Variants in CD6 observed in about 807,000 individuals in gnomAD.
CD6 encodes T-cell differentiation antigen CD6.
In CD6, 53 loss-of-function variants were observed where a neutral mutation model predicts 75.3. The ratio of observed to expected loss-of-function variants is 0.70; its 90% CI spans 0.56 to 0.88. The LOEUF is 0.88. Ranked by LOEUF, CD6 falls within the 40% of genes least tolerant of loss-of-function variation. The probability of loss-of-function intolerance (pLI) is 0.00; values close to 1 mark genes in which losing one functional copy is unlikely to be tolerated. For synonymous variants in CD6, 359 were observed against 381.5 expected (o/e 0.94, Z 0.69); for missense variants, 770 against 897.1 (o/e 0.86, Z 1.81).
In CD6 at chr11:61,013,576, T is replaced by C. The variant is rs1281204462; in HGVS notation, c.1291+13T>C. ...AAAGGAAAATATGGTAAGTGCAAGG[T>C]TCTGGGAGCCATGGCCATCCCAGGG... On this transcript the variant is annotated intron_variant, in intron 7 of 12. Coordinates refer to ENST00000313421, the MANE Select transcript of CD6 (RefSeq NM_006725.5). The C allele has an allele frequency of 4.3e-6, 7 of 1,613,552 alleles. No homozygotes were observed. The South Asian group carries it at 4.4e-5, about 10-fold the overall frequency.
rs567338278 is a variant in CD6 at position 60,995,945 on chromosome 11, G to C, written c.50-10629G>C. Among the ~76,000 whole-genome samples, 4 of 152,288 alleles carry C rather than the reference G, an allele frequency of 2.6e-5. No homozygotes were observed. In the South Asian group the frequency reaches 8.3e-4, roughly 32 times the overall value. ...GTTGACACTTGCAGAGGAGAAAGGA[G>C]TTTGGAAAGCCTCCAGGGTTGTCAA... is the stretch of plus-strand genomic sequence containing the variant. On this transcript the variant is annotated intron_variant, in intron 1 of 12. Coordinates refer to ENST00000313421, the MANE Select transcript of CD6 (RefSeq NM_006725.5).
chr11:61,010,767 A>G (rs1225163073), intron 5 of CD6, among the ~76,000 whole-genome samples: 1 of 152,262 alleles, frequency 6.6e-6, no homozygotes. Flanking sequence ...GATTAAGAAC[A>G]AACTGAAACT....
intron 1 of CD6, among the ~76,000 whole-genome samples, chr11:60,993,855 CA>C (rs769094445): frequency 5.9e-5 from 9 of 152,202 alleles, no homozygotes; most frequent in Non-Finnish European, 1.2e-4. Flanking sequence ...GAACTGAATG[CA>C]GGCTGGCAAC....
intron 1 of CD6, chr11:60,987,831 G>T: frequency 6.6e-6 from 1 of 152,128 alleles, no homozygotes; most frequent in Non-Finnish European, 1.5e-5. Context: ...TTTTTCCAGA[G>T]TACTTAGTTC....
chr11:61,008,738 G>C lies in CD6; in HGVS notation c.674G>C (p.Arg225Pro). The change falls in exon 4 of 13, where the codon CGG becomes CCG. Residue 225 changes from arginine (R) to proline (P), a missense_variant. Physicochemically the swap from Arg to Pro is moderately radical, Grantham distance 103. Transcript: ENST00000313421. ...HFTPGRGPIH[R>P]DQVNCSGAEA... is the part of the protein sequence containing the mutation. ...ACGCCCGGCCGCGGGCCTATCCACC[G>C]GGACCAGGTGAACTGCTCGGGGGCC... 1.2e-6 allele frequency: 2 copies of C among 1,607,630 alleles called. No homozygotes were observed. Among genetic ancestry groups the C allele is most frequent in the South Asian group, 1.1e-5 (1 of 90,586 alleles).
chr11:61,001,235 C>G (rs1858575138), intron 1 of CD6, among the ~76,000 whole-genome samples: 1 of 118,090 alleles, frequency 8.5e-6, no homozygotes, highest in African/African-American at 3.4e-5. Context: ...GAGTCTTGCT[C>G]TGTCGCCCAG....
At position 61,008,709 on chromosome 11, in the gene CD6, C is replaced by T; in HGVS notation, c.645C>T (p.His215=). Residue 215 remains histidine (H), a synonymous_variant, in exon 4 of 13, where the codon CAC becomes CAT. Coordinates refer to ENST00000313421, the MANE Select transcript of CD6 (RefSeq NM_006725.5). ...GWAVQALPGL[H]FTPGRGPIHR... ...CAGTCCAGGCCCTGCCCGGCTTGCA[C>T]TTCACGCCCGGCCGCGGGCCTATCC... 2 of 1,608,016 alleles carry T rather than the reference C, an allele frequency of 1.2e-6. No individual in the cohort carries two copies. The highest frequency in any genetic ancestry group is 2.2e-5 in the East Asian group (1 of 44,648).
At position 61,018,301 on chromosome 11, in the gene CD6, C is replaced by G. The variant is rs1291166095; in HGVS notation, c.1850C>G (p.Ala617Gly). The G allele has an allele frequency of 1.2e-6, 2 of 1,603,328 alleles. No individual in the cohort carries two copies. The highest frequency in any genetic ancestry group is 2.2e-5 in the South Asian group (2 of 89,018). Residue 617 changes from alanine to glycine, a missense_variant, in exon 12 of 13, where the codon GCT becomes GGT. Physicochemically the swap from Ala to Gly is moderately conservative, Grantham distance 60. Coordinates refer to ENST00000313421, the MANE Select transcript of CD6 (RefSeq NM_006725.5). ...TGGGGGTTTCCAGCAGGGCCCCCGG[C>G]TGATGACAGCTCCAGCACCTCATCC... ...TQPAFSAGPP[A>G]DDSSSTSSGE...
rs1464438171 is a variant in CD6, at chr11:61,009,783, TG to T, written c.997del (p.Glu333ArgfsTer51). ...CCGGCAGGATGTACTACTCATGCAATGGGGAGGAGCTCACCCTCTCCAACTG... is the reference window on the plus strand; with the variant it reads ...CCGGCAGGATGTACTACTCATGCAATGGGAGGAGCTCACCCTCTCCAACTG... Reference protein sequence around the residue: ...LSGRMYYSCNGEELTLSNCSW... With the variant: ...LSGRMYYSCNXEELTLSNCSW... On this transcript the variant is annotated frameshift_variant, in exon 5 of 13. Coordinates refer to ENST00000313421, the MANE Select transcript of CD6 (RefSeq NM_006725.5). LOFTEE classifies it high-confidence loss of function. The T allele has an allele frequency of 6.2e-7, 1 of 1,612,806 alleles. No homozygotes were observed. The highest frequency in any genetic ancestry group is 1.3e-5 in the African/African-American group (1 of 74,922).
At position 61,007,196 on chromosome 11, in the gene CD6, C is replaced by T. The variant is rs1195725270; in HGVS notation, c.119-364C>T. The stretch of plus-strand genomic sequence containing the variant: ...CAGAGGGGCCTTCAGGGGAAGCATG[C>T]GCCCACTGGACCAGGGCCCCTGAAC... On this transcript the variant is annotated intron_variant, in intron 2 of 12. Transcript: ENST00000313421. This position sits in a 1 kb window ranked among gnomAD's most constrained non-coding sequence, Gnocchi z 4.2. Among the ~76,000 whole-genome samples, 3 of 152,100 alleles carry T rather than the reference C, an allele frequency of 2.0e-5. No individual in the cohort carries two copies. Among genetic ancestry groups the T allele is most frequent in the South Asian group, 2.1e-4 (1 of 4,820 alleles).
At chr11:61,001,217 T>C (rs1858573110) in intron 1 of CD6, among the ~76,000 whole-genome samples, 1 of 149,770 alleles carries the variant, frequency 6.7e-6, no homozygotes, top group South Asian at 2.1e-4. Flanking sequence ...TTTTTTTTTT[T>C]TGAGACGGAG....
chr11:61,002,351 A>G lies in CD6; in HGVS notation c.50-4223A>G, dbSNP rs1330591421. ...GCAGATCACTTGAGGTCAGGTGTTC[A>G]AGACCCAACCTGGCCAACATGGAGA... On this transcript the variant is annotated intron_variant, in intron 1 of 12. Coordinates refer to ENST00000313421, the MANE Select transcript of CD6 (RefSeq NM_006725.5). Among the ~76,000 whole-genome samples, 3 of 152,132 alleles carry G rather than the reference A, an allele frequency of 2.0e-5. No homozygotes were observed. The East Asian group carries it at 5.8e-4, about 29-fold the overall frequency.
intron 7 of CD6, 107 bp from the exon 8 acceptor site, chr11:61,013,812 G>A (rs970948210): frequency 1.1e-4 from 86 of 813,058 alleles, no homozygotes; most frequent in Middle Eastern, 7.0e-4. Flanking sequence ...GCCTGCAAGT[G>A]TTGGGGGAAT....
intron 1 of CD6, among the ~76,000 whole-genome samples, chr11:60,973,931 A>C (rs1163527105): frequency 2.0e-5 from 3 of 152,104 alleles, no homozygotes; most frequent in African/African-American, 7.2e-5. Flanking sequence ...TGCAAGGGAC[A>C]CTGAGCTGCT....
chr11:60,983,202 G>T (rs3019542), intron 1 of CD6, among the ~76,000 whole-genome samples: 128,733 of 151,620 alleles, frequency 0.85, 54,902 homozygotes, highest in East Asian at 0.97. Flanking sequence ...GTTCAAGCGA[G>T]TCTCGTGCCT....
chr11:61,017,600 TAGCTC>T (rs1476430590), intron 10 of CD6, 50 bp downstream of exon 10: 1 of 1,561,752 alleles, frequency 6.4e-7, no homozygotes, highest in Non-Finnish European at 8.8e-7. Context: ...CTCCAGAGAG[TAGCTC>T]AGCTCAGCTT....
chr11:60,996,990 C>G (rs1858331801), intron 1 of CD6, among the ~76,000 whole-genome samples: 1 of 152,194 alleles, frequency 6.6e-6, no homozygotes, highest in Admixed American at 6.5e-5. Context: ...GGACTCCAGC[C>G]CAAGCCTTTG....
chr11:61,015,725 C>T lies in CD6; in HGVS notation c.1400C>T (p.Pro467Leu), dbSNP rs1345281699. The T allele has an allele frequency of 6.2e-7, 1 of 1,614,230 alleles. No homozygotes were observed. Among genetic ancestry groups the T allele is most frequent in the Non-Finnish European group, 8.5e-7 (1 of 1,180,040 alleles). Residue 467 changes from proline (P) to leucine (L), a missense_variant, in exon 9 of 13, where the codon CCC (proline) becomes CTC (leucine). Pro to Leu is a moderately conservative substitution (Grantham distance 98). Transcript: ENST00000313421. ...ITIPKEVFML[P>L]IQVQAPPPED... is the part of the protein sequence containing the mutation. ...GTTCTCTCCCCAGTTTTCATGCTGC[C>T]CATCCAGGTCCAGGCCCCGCCCCCT...
At chr11:60,998,990 C>A (rs553130339) in intron 1 of CD6, among the ~76,000 whole-genome samples, 103 of 152,184 alleles carry the variant, frequency 6.8e-4, no homozygotes, top group Non-Finnish European at 1.3e-3. Context: ...GAAACCCAGT[C>A]TCTACTAATA....
Sources: allele counts gnomAD v4.1 joint callset (sites outside exome capture counted in the v4.1 genomes callset), GRCh38; gene constraint gnomAD v4.1.1; non-coding constraint Gnocchi (gnomAD v3.1); transcripts MANE v1.5; gene names NCBI Gene and HGNC (gene_info 2026-07-23, HGNC 2026-07-21).